The following SMARCC1 variants were observed in gnomAD, a reference collection of about 807,000 sequenced individuals.
SMARCC1 encodes SWI/SNF complex subunit SMARCC1.
Under a neutral mutation model 147.4 loss-of-function variants are expected in SMARCC1, and 43 were observed. The ratio of observed to expected loss-of-function variants is 0.29; its 90% CI spans 0.23 to 0.38. The LOEUF (loss-of-function observed/expected upper bound fraction) is 0.38, where lower values mean the gene tolerates loss of function less well. Ranked by LOEUF, SMARCC1 falls within the 10% of genes least tolerant of loss-of-function variation. The pLI, the probability that SMARCC1 is intolerant of heterozygous loss-of-function variation, is 1.00. For missense variants in SMARCC1, 1,119 were observed against 1,381.1 expected, an observed-to-expected ratio of 0.81 and a Z score of 3.01; for synonymous variants, 495 against 484.4, an observed-to-expected ratio of 1.02 and a Z score of -0.29.
At chr3:47,692,733 G>A (rs1276672834) in intron 12 of SMARCC1, among the ~76,000 whole-genome samples, 1 of 152,048 alleles carries the variant, frequency 6.6e-6, no homozygotes, top group Non-Finnish European at 1.5e-5. Context: ...ACTTAAGAAA[G>A]GAGTATCGGC....
At chr3:47,699,829 A>G (rs1258970035) in intron 11 of SMARCC1, among the ~76,000 whole-genome samples, 3 of 152,056 alleles carry the variant, frequency 2.0e-5, no homozygotes, top group Admixed American at 1.3e-4. Context: ...TTAGTAACTC[A>G]TCTTACTTTT....
chr3:47,669,323 T>C (rs1157806411), intron 19 of SMARCC1, among the ~76,000 whole-genome samples: 2 of 152,190 alleles, frequency 1.3e-5, no homozygotes, highest in Non-Finnish European at 2.9e-5. Context: ...CCAGCATCAA[T>C]GTGCAGCAGG....
intron 18 of SMARCC1, among the ~76,000 whole-genome samples, chr3:47,674,482 A>G (rs2033543861): frequency 6.6e-6 from 1 of 152,148 alleles, no homozygotes; most frequent in South Asian, 2.1e-4. Context: ...ATTTTTGTTG[A>G]AAAGTCAGCT....
At chr3:47,663,089 A>G (rs1362801983) in intron 19 of SMARCC1, among the ~76,000 whole-genome samples, 1 of 133,644 alleles carries the variant, frequency 7.5e-6, no homozygotes, top group African/African-American at 2.8e-5. Flanking sequence ...AAGAAGAAAC[A>G]AAAGAAAAGA....
chr3:47,763,231 C>T (rs1231654746), intron 2 of SMARCC1, among the ~76,000 whole-genome samples: 1 of 151,378 alleles, frequency 6.6e-6, no homozygotes, highest in South Asian at 2.1e-4. Flanking sequence ...AGGCTAGTCT[C>T]GAGTTCCTGG....
Position 47,772,856 on chromosome 3 carries a change from A to C in SMARCC1, c.276T>G (p.Phe92Leu). Residue 92 changes from phenylalanine (F) to leucine (L), a missense_variant, in exon 2 of 28, where the codon TTT becomes TTG. Around this residue, in one of 6 missense-constraint regions of SMARCC1, gnomAD observed 542 missense variants for 611.8 expected, o/e 0.89. Coordinates refer to ENST00000254480, the MANE Select transcript of SMARCC1 (RefSeq NM_003074.4). ...VQLLQFQEDA[F>L]GKHVTNPAFT... is the part of the protein sequence containing the mutation. ...AGGCCGGGTTGGTGACATGCTTCCC[A>C]AAGGCATCTTCCTGGAACTGAAGAA... 3.7e-6 allele frequency: 6 copies of C among 1,613,452 alleles called. No individual in the cohort carries two copies. The highest frequency in any genetic ancestry group is 5.1e-6 in the Non-Finnish European group (6 of 1,179,548).
At chr3:47,685,223 G>A (rs1418462945) in intron 14 of SMARCC1, among the ~76,000 whole-genome samples, 1 of 151,904 alleles carries the variant, frequency 6.6e-6, no homozygotes, top group Non-Finnish European at 1.5e-5. Flanking sequence ...ACTAACAGGT[G>A]GGTAGCATGT....
chr3:47,733,394 G>C (rs2034400239), intron 5 of SMARCC1, among the ~76,000 whole-genome samples: 1 of 151,646 alleles, frequency 6.6e-6, no homozygotes, highest in Non-Finnish European at 1.5e-5. Context: ...CGAGCCTAGG[G>C]AAGACCCTGT....
intron 22 of SMARCC1, among the ~76,000 whole-genome samples, chr3:47,636,840 TTAA>T (rs1296157427): frequency 4.1e-5 from 6 of 146,062 alleles, no homozygotes; most frequent in African/African-American, 7.8e-5. Flanking sequence ...GTGTGTGTAC[TTAA>T]TAATTACTGA....
Position 47,732,326 on chromosome 3 carries a change from C to T in SMARCC1, c.577-3232G>A, listed in dbSNP as rs78535894. Among the ~76,000 whole-genome samples, 602 of 152,274 alleles carry T rather than the reference C, an allele frequency of 4.0e-3. 5 individuals are homozygous for T. Among genetic ancestry groups the T allele is most frequent in the African/African-American group, 0.013 (547 of 41,564 alleles). ...GGAAATGTTGGGCTGCTCTGATCTC[C>T]TAACCAGACCACTGAAACTTTCTCA... is the stretch of plus-strand genomic sequence containing the variant. On this transcript the variant is annotated intron_variant, in intron 5 of 27. Coordinates refer to ENST00000254480, the MANE Select transcript of SMARCC1 (RefSeq NM_003074.4).
intron 2 of SMARCC1, among the ~76,000 whole-genome samples, chr3:47,767,547 C>G (rs1313885430): frequency 7.3e-6 from 1 of 137,570 alleles, no homozygotes; most frequent in Admixed American, 7.4e-5. Context: ...AGCCTCCACT[C>G]TGATTTAAAA....
chr3:47,611,152 G>A (rs537777804), intron 25 of SMARCC1, among the ~76,000 whole-genome samples: 1 of 152,328 alleles, frequency 6.6e-6, no homozygotes, highest in South Asian at 2.1e-4. Flanking sequence ...ACCTGAACAT[G>A]CAGGAAAATG....
chr3:47,748,644 A>G (rs1325723185), intron 2 of SMARCC1, among the ~76,000 whole-genome samples: 1 of 152,200 alleles, frequency 6.6e-6, no homozygotes, highest in African/African-American at 2.4e-5. Flanking sequence ...CTCAAATTAA[A>G]CGAAATGGTG....
Position 47,705,514 on chromosome 3 carries a change from A to G in SMARCC1, c.1040+895T>C, listed in dbSNP as rs545876585. Among the ~76,000 whole-genome samples the G allele has an allele frequency of 1.2e-4, 19 of 152,284 alleles. No individual in the cohort carries two copies. In the South Asian group the frequency reaches 3.5e-3, roughly 28 times the overall value. On this transcript the variant is annotated intron_variant, in intron 10 of 27. Coordinates refer to ENST00000254480, the MANE Select transcript of SMARCC1 (RefSeq NM_003074.4). ...AACTAAGAGGTTTTTAAATGTCCCT[A>G]AAGACTTCTATTAGTAAGAGTGTTG...
At position 47,772,874 on chromosome 3, in the gene SMARCC1, C is replaced by T. The variant is rs770882563; in HGVS notation, c.258G>A (p.Gln86=). The T allele has an allele frequency of 2.5e-6, 4 of 1,613,444 alleles. No individual in the cohort carries two copies. The highest frequency in any genetic ancestry group is 4.5e-5 in the East Asian group (2 of 44,872). The part of the protein sequence containing the change: ...TLAGLVVQLL[Q]FQEDAFGKHV... ...GCTTCCCAAAGGCATCTTCCTGGAACTGAAGAAGCTGCACCACCAGCCCAG... is the reference window on the plus strand; with the variant it reads ...GCTTCCCAAAGGCATCTTCCTGGAATTGAAGAAGCTGCACCACCAGCCCAG... The change falls in exon 2 of 28, where the codon CAG becomes CAA. Residue 86 remains glutamine, a synonymous_variant. Transcript: ENST00000254480.
intron 21 of SMARCC1, among the ~76,000 whole-genome samples, chr3:47,646,458 C>A (rs1011552719): frequency 5.3e-5 from 8 of 152,122 alleles, no homozygotes; most frequent in Non-Finnish European, 1.0e-4. Flanking sequence ...ACGACTTAAA[C>A]AAGAAGGCAT....
intron 10 of SMARCC1, among the ~76,000 whole-genome samples, chr3:47,703,462 A>ATT (rs11362260): frequency 6.6e-6 from 1 of 151,070 alleles, no homozygotes. Context: ...ATTTGTTATC[A>ATT]TTTTTTTTTT....
intron 9 of SMARCC1, among the ~76,000 whole-genome samples, chr3:47,709,316 G>A (rs1291950633): frequency 2.0e-5 from 3 of 151,966 alleles, no homozygotes; most frequent in Non-Finnish European, 4.4e-5. Context: ...TAAAGTCACA[G>A]CACTGAAATA....
At chr3:47,699,121 T>C (rs1349940360) in intron 11 of SMARCC1, among the ~76,000 whole-genome samples, 2 of 151,958 alleles carry the variant, frequency 1.3e-5, no homozygotes, top group African/African-American at 4.8e-5. Context: ...GCAACACTAA[T>C]ATAGGCAAAA....
Sources: gnomAD v4.1 joint callset for allele counts (sites outside exome capture counted in the v4.1 genomes callset) on GRCh38, gnomAD v4.1.1 for gene constraint, gnomAD v4.1.1 regional missense constraint, MANE v1.5 for transcripts, NCBI Gene and HGNC (gene_info 2026-07-23, HGNC 2026-07-21) for gene names.